The following ZNF804B variants were observed in gnomAD, a reference collection of about 807,000 sequenced individuals.
ZNF804B encodes zinc finger protein 804B, also known as zinc finger 804B.
A neutral mutation model predicts 101.4 loss-of-function variants in ZNF804B; 80 were observed. The ratio of observed to expected loss-of-function variants is 0.79; its 90% CI spans 0.66 to 0.95. The LOEUF (loss-of-function observed/expected upper bound fraction) is 0.95, where lower values mean the gene tolerates loss of function less well. ZNF804B is among the 40% of genes least tolerant of loss of function. The pLI, the probability that ZNF804B is intolerant of heterozygous loss-of-function variation, is 0.00. For missense variants in ZNF804B, 1,673 were observed against 1,561.9 expected, an observed-to-expected ratio of 1.07 and a Z score of -1.20; for synonymous variants, 622 against 558.8, an observed-to-expected ratio of 1.11 and a Z score of -1.59.
At chr7:89,200,870 CTCTT>C (rs1460357500) in intron 1 of ZNF804B, among the ~76,000 whole-genome samples, 2 of 151,988 alleles carry the variant, frequency 1.3e-5, no homozygotes, top group Non-Finnish European at 2.9e-5. Flanking sequence ...CATCTGTTTT[CTCTT>C]TCTATCTCCA....
At chr7:89,109,379 T>C (rs749394132) in intron 1 of ZNF804B, among the ~76,000 whole-genome samples, 1 of 152,208 alleles carries the variant, frequency 6.6e-6, no homozygotes, top group Non-Finnish European at 1.5e-5. Flanking sequence ...TATATCATGA[T>C]GTTAATTTAT....
At chr7:88,894,341 G>A (rs1792255590) in intron 1 of ZNF804B, among the ~76,000 whole-genome samples, 1 of 151,720 alleles carries the variant, frequency 6.6e-6, no homozygotes, top group Non-Finnish European at 1.5e-5. Flanking sequence ...AGCCTCCCAA[G>A]TAGCTGGGAT....
At chr7:88,836,404 A>C (rs1194850104) in intron 1 of ZNF804B, among the ~76,000 whole-genome samples, 3 of 151,882 alleles carry the variant, frequency 2.0e-5, no homozygotes, top group Non-Finnish European at 2.9e-5. Flanking sequence ...TTGGACTTAA[A>C]AGTCCCATGG....
intron 1 of ZNF804B, among the ~76,000 whole-genome samples, chr7:88,784,583 G>A (rs150559860): frequency 1.0e-3 from 158 of 152,234 alleles, no homozygotes; most frequent in Non-Finnish European, 1.8e-3. Flanking sequence ...AATCCTAAAA[G>A]TGACCTTTAT....
chr7:89,058,693 T>C (rs1203737585), intron 1 of ZNF804B, among the ~76,000 whole-genome samples: 2 of 151,964 alleles, frequency 1.3e-5, no homozygotes, highest in East Asian at 1.9e-4. Flanking sequence ...TGAAGGGTTT[T>C]GTTTGTTTGT....
intron 1 of ZNF804B, among the ~76,000 whole-genome samples, chr7:88,970,121 A>C (rs1005675225): frequency 6.6e-6 from 1 of 150,804 alleles, no homozygotes; most frequent in Admixed American, 6.6e-5. Context: ...TCCCCAAAGC[A>C]GTAATTGTGC....
At chr7:88,982,709 T>A (rs1793709173) in intron 1 of ZNF804B, among the ~76,000 whole-genome samples, 2 of 152,138 alleles carry the variant, frequency 1.3e-5, no homozygotes, top group South Asian at 4.1e-4. Context: ...TCTGAGGTAC[T>A]GAGGATTAAG....
At chr7:88,958,375 A>G (rs980851381) in intron 1 of ZNF804B, among the ~76,000 whole-genome samples, 1 of 151,504 alleles carries the variant, frequency 6.6e-6, no homozygotes, top group Non-Finnish European at 1.5e-5. Context: ...AATAATTCCA[A>G]TGCTCATGTT....
chr7:88,818,989 G>C (rs1385805093), intron 1 of ZNF804B, among the ~76,000 whole-genome samples: 2 of 152,094 alleles, frequency 1.3e-5, no homozygotes, highest in Non-Finnish European at 2.9e-5. Context: ...TCCTCATACA[G>C]CTTTCAATGT....
At position 89,026,678 on chromosome 7, in the gene ZNF804B, A is replaced by T. The variant is rs984481143; in HGVS notation, c.109-191477A>T. 7.2e-5 allele frequency among the ~76,000 whole-genome samples: 11 copies of T among 152,218 alleles called. No homozygotes were observed. In the East Asian group the frequency reaches 2.1e-3, roughly 29 times the overall value. ...AATGATCTTGGGAAAAAGGAGAATG[A>T]GATAGAGAGGATATTGTCCTGGTTT... On this transcript the variant is annotated intron_variant, in intron 1 of 3. Coordinates refer to ENST00000333190, the MANE Select transcript of ZNF804B (RefSeq NM_181646.5).
chr7:89,086,642 T>C (rs1583977979), intron 1 of ZNF804B, among the ~76,000 whole-genome samples: 1 of 151,980 alleles, frequency 6.6e-6, no homozygotes, highest in South Asian at 2.1e-4. Flanking sequence ...TCAAATACAA[T>C]TGAGTCATTT....
chr7:89,235,759 A>AT (rs557208653), intron 2 of ZNF804B, among the ~76,000 whole-genome samples: 19,467 of 147,352 alleles, frequency 0.13, 1,338 homozygotes, highest in Middle Eastern at 0.26. Flanking sequence ...TTAGGCCCCA[A>AT]TTTTTTTTTT....
intron 1 of ZNF804B, among the ~76,000 whole-genome samples, chr7:89,088,044 A>G (rs1789832902): frequency 6.6e-6 from 1 of 151,720 alleles, no homozygotes; most frequent in Admixed American, 6.6e-5. Flanking sequence ...AAGAGAGTAT[A>G]TTTGATTTTA....
intron 1 of ZNF804B, among the ~76,000 whole-genome samples, chr7:89,170,798 A>G (rs1411334217): frequency 1.3e-5 from 2 of 152,222 alleles, no homozygotes; most frequent in Admixed American, 6.6e-5. Context: ...TACAGGTGCC[A>G]CCACCAGCAG....
intron 1 of ZNF804B, among the ~76,000 whole-genome samples, chr7:89,087,610 T>C (rs1399417816): frequency 3.3e-5 from 5 of 151,994 alleles, no homozygotes; most frequent in Non-Finnish European, 7.4e-5. Flanking sequence ...ATATATTTGA[T>C]TCTATATGTT....
At chr7:89,058,101 T>A (rs984029410) in intron 1 of ZNF804B, among the ~76,000 whole-genome samples, 1 of 152,130 alleles carries the variant, frequency 6.6e-6, no homozygotes, top group Non-Finnish European at 1.5e-5. Flanking sequence ...TTTCATTAAC[T>A]TTGATTACAC....
chr7:88,811,067 C>A (rs1790777810), intron 1 of ZNF804B, among the ~76,000 whole-genome samples: 1 of 150,568 alleles, frequency 6.6e-6, no homozygotes, highest in African/African-American at 2.4e-5. Flanking sequence ...AAAAAAAAAA[C>A]ATTAAAAAAC....
chr7:88,834,876 TACTC>T (rs1236967151), intron 1 of ZNF804B, among the ~76,000 whole-genome samples: 1 of 151,764 alleles, frequency 6.6e-6, no homozygotes, highest in Non-Finnish European at 1.5e-5. Flanking sequence ...TATGATGAAA[TACTC>T]ACTTGCAAAA....
intron 1 of ZNF804B, among the ~76,000 whole-genome samples, chr7:88,840,722 A>G (rs968267089): frequency 2.6e-5 from 4 of 152,182 alleles, no homozygotes; most frequent in African/African-American, 7.2e-5. Flanking sequence ...GGACATACAG[A>G]AAACCAATAA....
Sources: gnomAD v4.1 joint callset for allele counts (sites outside exome capture counted in the v4.1 genomes callset) on GRCh38, gnomAD v4.1.1 for gene constraint, MANE v1.5 for transcripts, NCBI Gene and HGNC (gene_info 2026-07-23, HGNC 2026-07-21) for gene names.